The following RILPL1 variants were observed in gnomAD, a reference collection of about 807,000 sequenced individuals.
RILPL1 encodes the protein Rab interacting lysosomal protein like 1, also known as RILP-like protein 1.
Under a neutral mutation model 50.3 loss-of-function variants are expected in RILPL1, and 33 were observed. That is an observed-to-expected ratio of 0.66 (90% confidence interval 0.50 to 0.88). The LOEUF is 0.88. Ranked by LOEUF, RILPL1 falls within the 40% of genes least tolerant of loss-of-function variation. The probability of loss-of-function intolerance (pLI) is 0.00; values close to 1 mark genes in which losing one functional copy is unlikely to be tolerated. For missense variants in RILPL1, 418 were observed against 542.5 expected (o/e 0.77, Z 2.28); for synonymous variants, 205 against 228.6 (o/e 0.90, Z 0.93).
At chr12:123,524,607 T>C (rs2139387475) in intron 1 of RILPL1, among the ~76,000 whole-genome samples, 1 of 152,272 alleles carries the variant, frequency 6.6e-6, no homozygotes, top group East Asian at 1.9e-4. Flanking sequence ...TGAAAAGGAA[T>C]GAAAGCCTGA....
chr12:123,499,175 C>T (rs1456154832), intron 3 of RILPL1, among the ~76,000 whole-genome samples: 1 of 152,164 alleles, frequency 6.6e-6, no homozygotes, highest in African/African-American at 2.4e-5. Flanking sequence ...GCCCAGGCCT[C>T]GGGACCTTCC....
intron 2 of RILPL1, among the ~76,000 whole-genome samples, chr12:123,500,092 G>A (rs1883277555): frequency 6.6e-6 from 1 of 151,782 alleles, no homozygotes; most frequent in Admixed American, 6.6e-5. Context: ...CACCACGCCC[G>A]GCTAAATTTT....
intron 4 of RILPL1, among the ~76,000 whole-genome samples, chr12:123,496,442 C>T (rs1883039143): frequency 6.6e-6 from 1 of 152,192 alleles, no homozygotes; most frequent in Non-Finnish European, 1.5e-5. Context: ...GGGACTTGAA[C>T]CCACCTGACT....
chr12:123,505,314 G>A (rs1455062428), intron 2 of RILPL1, among the ~76,000 whole-genome samples: 2 of 152,140 alleles, frequency 1.3e-5, no homozygotes, highest in South Asian at 2.1e-4. Context: ...TTACAGGCGT[G>A]AGCCACTGCG....
intron 2 of RILPL1, among the ~76,000 whole-genome samples, chr12:123,511,041 C>CTG (rs1262817086): frequency 1.1e-5 from 1 of 89,928 alleles, no homozygotes. Flanking sequence ...GTGGTGGCAT[C>CTG]TGTGTGTGTG....
chr12:123,524,687 A>G (rs1306705357), intron 1 of RILPL1, among the ~76,000 whole-genome samples: 1 of 152,240 alleles, frequency 6.6e-6, no homozygotes, highest in Non-Finnish European at 1.5e-5. Flanking sequence ...GTCACATGTT[A>G]TATGATCAGT....
intron 6 of RILPL1, among the ~76,000 whole-genome samples, chr12:123,483,480 G>C (rs1882130251): frequency 6.6e-6 from 1 of 152,210 alleles, no homozygotes; most frequent in Non-Finnish European, 1.5e-5. Context: ...AAAACCAGAG[G>C]TGTTAACCCT....
chr12:123,525,309 C>T (rs546609921), intron 1 of RILPL1, among the ~76,000 whole-genome samples: 1 of 151,564 alleles, frequency 6.6e-6, no homozygotes, highest in East Asian at 1.9e-4. Context: ...CCTTGAACTC[C>T]TGGGCTCAAG....
At chr12:123,492,667 T>C (rs2139329169) in intron 4 of RILPL1, among the ~76,000 whole-genome samples, 1 of 152,308 alleles carries the variant, frequency 6.6e-6, no homozygotes, top group South Asian at 2.1e-4. Context: ...AGAGATCAGA[T>C]TGTTACTGTG....
intron 1 of RILPL1, among the ~76,000 whole-genome samples, chr12:123,526,554 A>G (rs1167622467): frequency 6.6e-6 from 1 of 152,232 alleles, no homozygotes; most frequent in African/African-American, 2.4e-5. Flanking sequence ...GCACCCAGAA[A>G]GCACTAACAA....
chr12:123,523,438 TG>T, intron 2 of RILPL1, 56 bp downstream of exon 2: 3 of 1,605,034 alleles, frequency 1.9e-6, no homozygotes, highest in Non-Finnish European at 2.6e-6. Context: ...ATCGCTGATG[TG>T]GGCAATAAGA....
chr12:123,482,650 G>A (rs1184093664), intron 6 of RILPL1, among the ~76,000 whole-genome samples: 1 of 141,588 alleles, frequency 7.1e-6, no homozygotes, highest in Non-Finnish European at 1.5e-5. Flanking sequence ...ACAGGGTTTC[G>A]CTCTGTCACC....
At chr12:123,475,548 G>C in intron 6 of RILPL1, 1 of 696,770 alleles carries the variant, frequency 1.4e-6, no homozygotes, top group Non-Finnish European at 2.6e-6. Context: ...GAGCACACAG[G>C]TGGCGGCCAT....
intron 2 of RILPL1, among the ~76,000 whole-genome samples, chr12:123,505,807 T>G (rs1555267364): frequency 6.6e-6 from 1 of 152,150 alleles, no homozygotes; most frequent in African/African-American, 2.4e-5. Flanking sequence ...TCTTTTTTTA[T>G]AGAGACAAGG....
intron 4 of RILPL1, among the ~76,000 whole-genome samples, chr12:123,487,163 A>G (rs1435382377): frequency 6.6e-6 from 1 of 152,220 alleles, no homozygotes; most frequent in East Asian, 1.9e-4. Flanking sequence ...GCAAATGCCA[A>G]TGTAGTTTCT....
At chr12:123,479,601 A>G (rs930400042) in intron 6 of RILPL1, among the ~76,000 whole-genome samples, 1 of 152,134 alleles carries the variant, frequency 6.6e-6, no homozygotes, top group Non-Finnish European at 1.5e-5. Flanking sequence ...TCCAACCAGC[A>G]GTAGAGGTGG....
chr12:123,512,060 T>C (rs906304001), intron 2 of RILPL1, among the ~76,000 whole-genome samples: 10 of 122,828 alleles, frequency 8.1e-5, no homozygotes, highest in African/African-American at 3.1e-4. Context: ...GGTCTGTGTG[T>C]GGTGTGTGAG....
intron 6 of RILPL1, among the ~76,000 whole-genome samples, chr12:123,480,355 G>C (rs1881884703): frequency 6.6e-6 from 1 of 151,808 alleles, no homozygotes; most frequent in African/African-American, 2.4e-5. Flanking sequence ...TAGAGATGGG[G>C]GTTTCACCAT....
chr12:123,479,372 C>T (rs889062307), intron 6 of RILPL1, among the ~76,000 whole-genome samples: 2 of 152,096 alleles, frequency 1.3e-5, no homozygotes, highest in Non-Finnish European at 2.9e-5. Context: ...CAGTGGGAAG[C>T]AGAGCTGAAG....
Sources: gnomAD v4.1 joint callset for allele counts (sites outside exome capture counted in the v4.1 genomes callset) on GRCh38, gnomAD v4.1.1 for gene constraint, MANE v1.5 for transcripts, NCBI Gene and HGNC (gene_info 2026-07-23, HGNC 2026-07-21) for gene names.